The following SAMD4A variants were observed in gnomAD, a reference collection of about 807,000 sequenced individuals.
SAMD4A encodes the protein protein Smaug homolog 1.
A neutral mutation model predicts 81.3 loss-of-function variants in SAMD4A; 33 were observed. The ratio of observed to expected loss-of-function variants is 0.41; its 90% CI spans 0.31 to 0.54. The LOEUF is 0.54. Ranked by LOEUF, SAMD4A falls within the 20% of genes least tolerant of loss-of-function variation. The probability of loss-of-function intolerance (pLI) is 0.37; values close to 1 mark genes in which losing one functional copy is unlikely to be tolerated. For synonymous variants in SAMD4A, 389 were observed against 382.1 expected (o/e 1.02, Z -0.21); for missense variants, 854 against 951.1 (o/e 0.90, Z 1.34).
rs1459606179 is a variant in SAMD4A at position 54,775,069 on chromosome 14, T to A, written c.1851T>A (p.Ser617Arg). 6.2e-7 allele frequency: 1 copy of A among 1,614,146 alleles called. No individual in the cohort carries two copies. Residue 617 changes from serine to arginine, a missense_variant, in exon 10 of 13, where the codon AGT becomes AGA. By Grantham distance (110) the Ser-to-Arg change is moderately radical. This residue lies in a region of SAMD4A where 428 missense variants were observed against 471.2 expected (regional missense o/e 0.91). Coordinates refer to ENST00000554335, the MANE Select transcript of SAMD4A (RefSeq NM_015589.6). ...CCCGCCTGGGCCTCTTGGGCACCAG[T>A]GGATTCGTCAGCTCCAACCAGCGCA... The part of the protein sequence containing the change: ...PSARLGLLGT[S>R]GFVSSNQRNT...
At chr14:54,730,945 G>A (rs543824559) in intron 3 of SAMD4A, among the ~76,000 whole-genome samples, 2 of 152,300 alleles carry the variant, frequency 1.3e-5, no homozygotes, top group South Asian at 4.1e-4. Context: ...TTTCACCACT[G>A]AGCCTTGCTT....
At chr14:54,710,322 T>A (rs977987790) in intron 3 of SAMD4A, among the ~76,000 whole-genome samples, 1 of 152,214 alleles carries the variant, frequency 6.6e-6, no homozygotes, top group African/African-American at 2.4e-5. Flanking sequence ...ACATAGTGTT[T>A]ACTATATATT....
upstream of SAMD4A, among the ~76,000 whole-genome samples, chr14:54,565,510 G>C (rs76701006): frequency 2.6e-3 from 402 of 152,342 alleles, 4 homozygotes; most frequent in South Asian, 0.021. The surrounding 1 kb of genome is among the most constrained non-coding windows in gnomAD (Gnocchi z 5.4). Flanking sequence ...CGCCTGGGCA[G>C]GTCCAACCCT....
At chr14:54,572,832 A>G (rs144196266) in intron 2 of SAMD4A, among the ~76,000 whole-genome samples, 2 of 152,338 alleles carry the variant, frequency 1.3e-5, no homozygotes, top group East Asian at 3.9e-4. Flanking sequence ...ATTAATATAG[A>G]ATTGATATGA....
chr14:54,671,103 T>A (rs2035871868), intron 2 of SAMD4A, among the ~76,000 whole-genome samples: 1 of 151,812 alleles, frequency 6.6e-6, no homozygotes, highest in Non-Finnish European at 1.5e-5. Flanking sequence ...AGATGAAAAA[T>A]GAAAGATAAG....
intron 2 of SAMD4A, among the ~76,000 whole-genome samples, chr14:54,621,780 C>T (rs985660171): frequency 2.6e-5 from 4 of 152,132 alleles, no homozygotes; most frequent in African/African-American, 9.7e-5. Context: ...GACATTGATG[C>T]TTTCTTATGC....
At chr14:54,765,103 T>A (rs1006785696) in intron 8 of SAMD4A, among the ~76,000 whole-genome samples, 1 of 152,120 alleles carries the variant, frequency 6.6e-6, no homozygotes, top group African/African-American at 2.4e-5. Context: ...CAGAGTGAGA[T>A]AGACCCTTTG....
At chr14:54,623,692 A>G (rs1350216174) in intron 2 of SAMD4A, among the ~76,000 whole-genome samples, 1 of 152,164 alleles carries the variant, frequency 6.6e-6, no homozygotes, top group East Asian at 1.9e-4. Context: ...ATAGGTATCC[A>G]TGTAGAAATG....
chr14:54,571,144 T>C (rs2033116895), intron 2 of SAMD4A, among the ~76,000 whole-genome samples: 2 of 152,226 alleles, frequency 1.3e-5, no homozygotes, highest in African/African-American at 2.4e-5. Context: ...ATTTGTGGGA[T>C]GTAATTTGGT....
At position 54,634,560 on chromosome 14, in the gene SAMD4A, C is replaced by G. The variant is rs144599395; in HGVS notation, c.196+66448C>G. ...ACAGTTCACAATAGGGTCTGCGCTT[C>G]TATGAGAATCTAATACCATGCTGCT... On this transcript the variant is annotated intron_variant, in intron 2 of 12. Transcript: ENST00000554335. Among the ~76,000 whole-genome samples, 153 of 152,178 alleles carry G rather than the reference C, an allele frequency of 1.0e-3. 1 individual carries two copies. In the East Asian group the frequency reaches 0.028, roughly 28 times the overall value.
At chr14:54,635,714 C>T (rs1032280963) in intron 2 of SAMD4A, among the ~76,000 whole-genome samples, 5 of 151,306 alleles carry the variant, frequency 3.3e-5, no homozygotes, top group South Asian at 4.2e-4. Flanking sequence ...CACCACTGCA[C>T]TCCAGCGACA....
chr14:54,716,809 G>A (rs2037130915), intron 3 of SAMD4A, among the ~76,000 whole-genome samples: 1 of 152,072 alleles, frequency 6.6e-6, no homozygotes, highest in Non-Finnish European at 1.5e-5. Flanking sequence ...CTGATTGTAT[G>A]TTTGGATTAT....
chr14:54,700,775 A>G (rs552045080), intron 2 of SAMD4A, among the ~76,000 whole-genome samples: 19 of 152,280 alleles, frequency 1.2e-4, no homozygotes, highest in Admixed American at 1.1e-3. Flanking sequence ...GTGAGAGGGG[A>G]TGGAAAGGAT....
At chr14:54,597,436 G>A (rs1033408243) in intron 2 of SAMD4A, among the ~76,000 whole-genome samples, 2 of 151,592 alleles carry the variant, frequency 1.3e-5, no homozygotes, top group Non-Finnish European at 2.9e-5. Context: ...CACCACACTT[G>A]GCTAATTTTG....
In SAMD4A at chr14:54,792,042, TATG is replaced by T. The variant is rs1483053750; in HGVS notation, c.*3102_*3104del. ...AGTGGTGTTCTACAATATTATCATG[TATG>T]ATGTTTTATTGGTGCTTTTTATTCA... On this transcript the variant is annotated 3_prime_UTR_variant, in exon 13 of 13. Coordinates refer to ENST00000554335, the MANE Select transcript of SAMD4A (RefSeq NM_015589.6). 1 of 152,264 alleles carries T rather than the reference TATG, an allele frequency of 6.6e-6. No individual in the cohort carries two copies. The highest frequency in any genetic ancestry group is 1.5e-5 in the Non-Finnish European group (1 of 68,040). The allele number at this position is 152,264 out of a possible 1,614,324, so 9.4% of individuals were successfully genotyped here.
At chr14:54,753,090 G>T (rs79036160) in intron 6 of SAMD4A, among the ~76,000 whole-genome samples, 6,146 of 152,312 alleles carry the variant, frequency 0.04, 202 homozygotes, top group East Asian at 0.17. Flanking sequence ...GTTCCCAGGG[G>T]CAGGCAGGAG....
intron 2 of SAMD4A, among the ~76,000 whole-genome samples, chr14:54,615,659 T>G (rs1282775559): frequency 6.6e-6 from 1 of 152,234 alleles, no homozygotes; most frequent in African/African-American, 2.4e-5. Flanking sequence ...AGAACACAAG[T>G]CATTCTGTTG....
intron 2 of SAMD4A, among the ~76,000 whole-genome samples, chr14:54,586,623 C>T (rs1178860391): frequency 6.6e-6 from 1 of 152,128 alleles, no homozygotes; most frequent in Non-Finnish European, 1.5e-5. Flanking sequence ...GATGAGGATC[C>T]AGTTTCGTTT....
intron 2 of SAMD4A, among the ~76,000 whole-genome samples, chr14:54,677,406 G>A (rs1452334804): frequency 6.6e-6 from 1 of 152,178 alleles, no homozygotes; most frequent in Middle Eastern, 3.2e-3. Flanking sequence ...CACGCACATA[G>A]TATTCTAATG....
Sources: allele counts gnomAD v4.1 joint callset (sites outside exome capture counted in the v4.1 genomes callset), GRCh38; gene constraint gnomAD v4.1.1; regional missense constraint gnomAD v4.1.1; non-coding constraint Gnocchi (gnomAD v3.1); transcripts MANE v1.5; gene names NCBI Gene and HGNC (gene_info 2026-07-23, HGNC 2026-07-21).